Variants in SYNDIG1 observed in about 807,000 individuals in gnomAD.
The protein encoded by SYNDIG1 is synapse differentiation inducing 1.
A neutral mutation model predicts 19.4 loss-of-function variants in SYNDIG1; 9 were observed. The observed-to-expected ratio is 0.46, with a 90% CI of 0.28 to 0.81. The LOEUF is 0.81. Among genes scored for constraint, SYNDIG1 ranks in the 30% least tolerant of loss-of-function variants. SYNDIG1 has a pLI of 0.12. For missense variants in SYNDIG1, 311 were observed against 343.3 expected (o/e 0.91, Z 0.74); for synonymous variants, 141 against 145.9 (o/e 0.97, Z 0.24).
intron 3 of SYNDIG1, chr20:24,596,780 A>G (rs1444788122): frequency 6.6e-6 from 1 of 152,312 alleles, no homozygotes; most frequent in African/African-American, 2.4e-5. Flanking sequence ...AGAATTCTTC[A>G]GCAGTCAGTG....
intron 1 of SYNDIG1, among the ~76,000 whole-genome samples, chr20:24,529,922 A>ATG (rs2057211192): frequency 1.1e-3 from 3 of 2,728 alleles, no homozygotes; most frequent in African/African-American, 2.8e-3. Flanking sequence ...TGGTGATGGT[A>ATG]TCAATGGTGG....
intron 1 of SYNDIG1, among the ~76,000 whole-genome samples, chr20:24,480,560 T>C (rs934506359): frequency 3.9e-5 from 6 of 152,206 alleles, no homozygotes; most frequent in Non-Finnish European, 5.9e-5. Context: ...TGGAAAATAG[T>C]GTGGAGGTTC....
chr20:24,541,269 G>A (rs1026117268), intron 1 of SYNDIG1, among the ~76,000 whole-genome samples: 1 of 152,146 alleles, frequency 6.6e-6, no homozygotes, highest in Non-Finnish European at 1.5e-5. Context: ...ATGTGTTTAT[G>A]TAGAATATAA....
intron 3 of SYNDIG1, 149 bp downstream of exon 3, chr20:24,585,142 T>C: frequency 9.0e-7 from 1 of 1,108,666 alleles, no homozygotes; most frequent in Non-Finnish European, 1.3e-6. Context: ...GAGGATAGGC[T>C]GGGAGAAGTC....
At chr20:24,651,113 ATT>A (rs2059469157) in intron 3 of SYNDIG1, among the ~76,000 whole-genome samples, 1 of 152,030 alleles carries the variant, frequency 6.6e-6, no homozygotes, top group Non-Finnish European at 1.5e-5. Context: ...TCATATGTGT[ATT>A]TGTTTTTATC....
At chr20:24,512,028 G>A (rs6114749) in intron 1 of SYNDIG1, among the ~76,000 whole-genome samples, 71 of 148,384 alleles carry the variant, frequency 4.8e-4, no homozygotes, top group African/African-American at 1.5e-3. Flanking sequence ...ACAGCATCCA[G>A]TTCATATCCC....
chr20:24,585,130 T>C, intron 3 of SYNDIG1, 137 bp downstream of exon 3: 2 of 1,177,912 alleles, frequency 1.7e-6, no homozygotes, highest in South Asian at 2.9e-5. Context: ...CTTGCCCAGT[T>C]GGAGGATAGG....
chr20:24,640,999 T>A (rs114993461), intron 3 of SYNDIG1, among the ~76,000 whole-genome samples: 438 of 152,326 alleles, frequency 2.9e-3, no homozygotes, highest in African/African-American at 0.01. Context: ...AAAAGAAAGA[T>A]CTGCCCTTCC....
intron 2 of SYNDIG1, among the ~76,000 whole-genome samples, chr20:24,581,081 C>T (rs1402133734): frequency 1.3e-5 from 2 of 152,082 alleles, no homozygotes; most frequent in African/African-American, 2.4e-5. Flanking sequence ...CTCATCTTCT[C>T]ATGAGAAGCA....
At chr20:24,553,274 G>T (rs948762159) in intron 2 of SYNDIG1, among the ~76,000 whole-genome samples, 3 of 152,108 alleles carry the variant, frequency 2.0e-5, no homozygotes, top group Non-Finnish European at 4.4e-5. Flanking sequence ...TGTTCACTCT[G>T]ATGGTAGTTT....
At chr20:24,548,088 T>C (rs545613022) in intron 2 of SYNDIG1, among the ~76,000 whole-genome samples, 2 of 152,142 alleles carry the variant, frequency 1.3e-5, no homozygotes, top group African/African-American at 2.4e-5. Flanking sequence ...CACTTGGCCA[T>C]CGAATCCTCG....
intron 3 of SYNDIG1, among the ~76,000 whole-genome samples, chr20:24,657,350 C>G (rs1600836874): frequency 1.3e-5 from 2 of 152,250 alleles, no homozygotes; most frequent in African/African-American, 4.8e-5. Flanking sequence ...GCCTTGAGGA[C>G]AAGGACACTC....
chr20:24,489,069 G>GA (rs2056058447), intron 1 of SYNDIG1, among the ~76,000 whole-genome samples: 1 of 152,214 alleles, frequency 6.6e-6, no homozygotes, highest in African/African-American at 2.4e-5. Flanking sequence ...TCCTGACCCA[G>GA]AAATGAACAT....
At chr20:24,513,750 A>G (rs2056801437) in intron 1 of SYNDIG1, among the ~76,000 whole-genome samples, 1 of 152,232 alleles carries the variant, frequency 6.6e-6, no homozygotes, top group Admixed American at 6.5e-5. Flanking sequence ...GCAGGCCAAC[A>G]TTGAAATTCA....
chr20:24,664,821 G>A (rs1244851815), intron 3 of SYNDIG1, among the ~76,000 whole-genome samples: 3 of 152,168 alleles, frequency 2.0e-5, no homozygotes, highest in African/African-American at 7.2e-5. Context: ...TCCTCCAGTG[G>A]TTTTCATGAT....
At chr20:24,477,452 A>G (rs1276419919) in intron 1 of SYNDIG1, among the ~76,000 whole-genome samples, 1 of 151,824 alleles carries the variant, frequency 6.6e-6, no homozygotes, top group African/African-American at 2.4e-5. Flanking sequence ...AGAGTCTGGC[A>G]CTGCAGTTAC....
chr20:24,560,694 C>CTTT lies in SYNDIG1; in HGVS notation c.480+17136_480+17138dup, dbSNP rs10658853. Among the ~76,000 whole-genome samples, 618 of 113,746 alleles carry CTTT rather than the reference C, an allele frequency of 5.4e-3. 20 individuals carry two copies. The highest frequency in any genetic ancestry group is 0.019 in the African/African-American group (579 of 29,862). The allele number at this position is 113,746 out of a possible 152,430, so 74.6% of individuals were successfully genotyped here. ...CCCCCGAGACAGTTTCTGTTGACTA[C>CTTT]TTTTTTTTTTTTTTTTTTTTTAAAC... is the stretch of plus-strand genomic sequence containing the variant. On this transcript the variant is annotated intron_variant, in intron 2 of 3. Transcript: ENST00000376862.
intron 3 of SYNDIG1, among the ~76,000 whole-genome samples, chr20:24,602,491 G>A (rs2058693975): frequency 6.6e-6 from 1 of 152,102 alleles, no homozygotes; most frequent in African/African-American, 2.4e-5. Flanking sequence ...TCCTATGGCT[G>A]GTTTACAGGA....
chr20:24,592,866 G>T (rs908295896), intron 3 of SYNDIG1, among the ~76,000 whole-genome samples: 1 of 152,182 alleles, frequency 6.6e-6, no homozygotes, highest in Non-Finnish European at 1.5e-5. Flanking sequence ...TCCTGCTTCA[G>T]CCTTCCAAAG....
Sources: allele counts gnomAD v4.1 joint callset (sites outside exome capture counted in the v4.1 genomes callset), GRCh38; gene constraint gnomAD v4.1.1; transcripts MANE v1.5; gene names NCBI Gene and HGNC (gene_info 2026-07-23, HGNC 2026-07-21).